Variants in MGAT4A observed in about 807,000 individuals in gnomAD.
The protein encoded by MGAT4A is N-acetylglucosaminyltransferase IVa.
Under a neutral mutation model 74.1 loss-of-function variants are expected in MGAT4A, and 33 were observed. That is an observed-to-expected ratio of 0.45 (90% CI 0.34 to 0.60). MGAT4A has a LOEUF of 0.60. MGAT4A is among the 20% of genes least tolerant of loss of function. The pLI, the probability that MGAT4A is intolerant of heterozygous loss-of-function variation, is 0.02. For missense variants in MGAT4A, 479 were observed against 628.3 expected (o/e 0.76, Z 2.54); for synonymous variants, 198 against 210.4 (o/e 0.94, Z 0.51).
intron 2 of MGAT4A, among the ~76,000 whole-genome samples, chr2:98,700,062 C>G (rs1287629845): frequency 6.6e-6 from 1 of 151,940 alleles, no homozygotes; most frequent in Non-Finnish European, 1.5e-5. Flanking sequence ...CCTCTCATAC[C>G]CAAACCTCAT....
intron 14 of MGAT4A, among the ~76,000 whole-genome samples, chr2:98,629,844 G>GA (rs1178182409): frequency 1.3e-5 from 2 of 152,072 alleles, no homozygotes; most frequent in Non-Finnish European, 1.5e-5. Context: ...AGGAGTTCGA[G>GA]ACCAGCCTAG....
intron 1 of MGAT4A, among the ~76,000 whole-genome samples, chr2:98,729,246 T>C (rs1364321873): frequency 2.0e-5 from 3 of 152,140 alleles, no homozygotes; most frequent in Non-Finnish European, 4.4e-5. Context: ...AAATAAGCCC[T>C]GAAATTTTGC....
In MGAT4A at chr2:98,621,604, G is replaced by C; in HGVS notation, c.*3962C>G. On this transcript the variant is annotated 3_prime_UTR_variant, in exon 16 of 16. Coordinates refer to ENST00000393487, the MANE Select transcript of MGAT4A (RefSeq NM_012214.3). ...CATGGATCAAACAGGTTCCACCCATGCTCAAAGTGGGAGGATATTATACAA... is the reference window on the plus strand; with the variant it reads ...CATGGATCAAACAGGTTCCACCCATCCTCAAAGTGGGAGGATATTATACAA... 6.6e-7 allele frequency: 1 copy of C among 1,515,840 alleles called. No homozygotes were observed. The highest frequency in any genetic ancestry group is 8.9e-7 in the Non-Finnish European group (1 of 1,128,280). 93.9% of individuals were successfully genotyped at this position (1,515,840 alleles called of 1,614,324 possible). A position where few individuals can be genotyped will look rare whatever the true frequency, so the allele number is the denominator to read the frequency against.
intron 2 of MGAT4A, among the ~76,000 whole-genome samples, chr2:98,702,963 T>C (rs1019581853): frequency 3.3e-5 from 5 of 152,136 alleles, no homozygotes; most frequent in African/African-American, 4.8e-5. Context: ...AAATATATGG[T>C]GGTCAACAAA....
Position 98,635,279 on chromosome 2 carries a change from A to G in MGAT4A, c.1411T>C (p.Leu471=), listed in dbSNP as rs750311075. 1.3e-5 allele frequency: 21 copies of G among 1,606,650 alleles called. No homozygotes were observed. The South Asian group carries it at 2.3e-4, about 18-fold the overall frequency. The change falls in exon 14 of 16, where the codon TTG becomes CTG. Residue 471 remains leucine, a synonymous_variant. Coordinates refer to ENST00000393487, the MANE Select transcript of MGAT4A (RefSeq NM_012214.3). Reference sequence around the variant, plus strand: ...TCTTTGGTTTCTTTGCTTATTTCCAAACCTTCACTCTAAAATAAAACAAAA... The same window carrying G: ...TCTTTGGTTTCTTTGCTTATTTCCAGACCTTCACTCTAAAATAAAACAAAA... ...VEVLPFKSEG[L]EISKETKDKR...
In MGAT4A at chr2:98,726,360, T is replaced by C. The variant is rs779351480; in HGVS notation, c.-28A>G. 3 of 1,586,102 alleles carry C rather than the reference T, an allele frequency of 1.9e-6. No homozygotes were observed. Among genetic ancestry groups the C allele is most frequent in the African/African-American group, 2.7e-5 (2 of 74,330 alleles). On this transcript the variant is annotated 5_prime_UTR_variant, in exon 2 of 16. Transcript: ENST00000393487. The stretch of plus-strand genomic sequence containing the variant: ...CATTTCACCATCACACTGGTCCATA[T>C]GTTTATGATGACAACAACCAGGACT...
chr2:98,647,765 T>C (rs1241889180), intron 8 of MGAT4A, among the ~76,000 whole-genome samples: 1 of 152,246 alleles, frequency 6.6e-6, no homozygotes, highest in East Asian at 1.9e-4. Context: ...TATGATGCTG[T>C]CAGTGGAAAC....
At chr2:98,679,904 A>C (rs1320649943) in intron 2 of MGAT4A, among the ~76,000 whole-genome samples, 1 of 152,176 alleles carries the variant, frequency 6.6e-6, no homozygotes, top group African/African-American at 2.4e-5. Flanking sequence ...GGAGGTACTG[A>C]ATAGTAGTGG....
intron 2 of MGAT4A, among the ~76,000 whole-genome samples, chr2:98,709,999 T>G (rs1273625456): frequency 2.0e-5 from 3 of 152,012 alleles, no homozygotes; most frequent in African/African-American, 7.3e-5. Flanking sequence ...GAAATCTCAC[T>G]GAAAAGGAGA....
chr2:98,625,619 G>C (rs1382889404), intron 15 of MGAT4A, 27 bp from the exon 16 acceptor site: 27 of 1,588,398 alleles, frequency 1.7e-5, no homozygotes, highest in Non-Finnish European at 2.3e-5. Context: ...TAAAAGGTAT[G>C]ATAAAGCTGT....
chr2:98,628,837 G>GCATCA (rs1019911916), intron 14 of MGAT4A, among the ~76,000 whole-genome samples: 1 of 152,030 alleles, frequency 6.6e-6, no homozygotes, highest in African/African-American at 2.4e-5. Flanking sequence ...AATTATAAAT[G>GCATCA]CATCATTGTG....
intron 2 of MGAT4A, among the ~76,000 whole-genome samples, chr2:98,720,382 G>A (rs544204365): frequency 4.8e-4 from 73 of 152,300 alleles, no homozygotes; most frequent in African/African-American, 1.7e-3. Context: ...TTTGTTTCTG[G>A]TCTGAGCTAG....
At chr2:98,684,777 TATC>T (rs1364367038) in intron 2 of MGAT4A, among the ~76,000 whole-genome samples, 1 of 152,220 alleles carries the variant, frequency 6.6e-6, no homozygotes, top group African/African-American at 2.4e-5. Context: ...AGTAACTTCT[TATC>T]AGCAAGATGT....
intron 2 of MGAT4A, among the ~76,000 whole-genome samples, chr2:98,692,059 AT>A (rs1272946060): frequency 9.2e-5 from 14 of 152,294 alleles, no homozygotes; most frequent in African/African-American, 3.4e-4. Flanking sequence ...GTCAGTTGAA[AT>A]TTTTTTAAGT....
intron 4 of MGAT4A, chr2:98,663,608 G>A (rs916457544): frequency 2.0e-5 from 10 of 510,606 alleles, no homozygotes; most frequent in South Asian, 5.0e-5. Context: ...CAACTTAACC[G>A]TAAAGAAACA....
At chr2:98,666,862 T>C (rs900225165) in intron 4 of MGAT4A, among the ~76,000 whole-genome samples, 8 of 152,120 alleles carry the variant, frequency 5.3e-5, no homozygotes, top group African/African-American at 1.9e-4. Context: ...ATCCCTACCA[T>C]ACTCTCGAGG....
chr2:98,697,450 T>C (rs899646503), intron 2 of MGAT4A, among the ~76,000 whole-genome samples: 7 of 152,216 alleles, frequency 4.6e-5, no homozygotes, highest in African/African-American at 1.2e-4. Flanking sequence ...TTTGTGGTGA[T>C]AGAATTGTTC....
chr2:98,620,186 AAAT>A lies in MGAT4A; in HGVS notation c.*5377_*5379del, dbSNP rs1365192971. The A allele has an allele frequency of 1.3e-5, 2 of 152,234 alleles. No homozygotes were observed. The highest frequency in any genetic ancestry group is 2.4e-5 in the African/African-American group (1 of 41,456). The allele number at this position is 152,234 out of a possible 1,614,324, so 9.4% of individuals were successfully genotyped here. A position where few individuals can be genotyped will look rare whatever the true frequency, so the allele number is the denominator to read the frequency against. ...TCCTCAGTTTGGTTGGGTCTTTAAAAAATACCTTTTTAGCATTGTATGATCACA... is the reference window on the plus strand; with the variant it reads ...TCCTCAGTTTGGTTGGGTCTTTAAAAACCTTTTTAGCATTGTATGATCACA... On this transcript the variant is annotated 3_prime_UTR_variant, in exon 16 of 16. Coordinates refer to ENST00000393487, the MANE Select transcript of MGAT4A (RefSeq NM_012214.3).
intron 12 of MGAT4A, among the ~76,000 whole-genome samples, chr2:98,637,028 G>A (rs1042857687): frequency 1.3e-5 from 2 of 152,096 alleles, no homozygotes; most frequent in Non-Finnish European, 2.9e-5. Context: ...ACCAGTTCTA[G>A]GCTGGGCGTG....
Sources: gnomAD v4.1 joint callset for allele counts (sites outside exome capture counted in the v4.1 genomes callset) on GRCh38, gnomAD v4.1.1 for gene constraint, MANE v1.5 for transcripts, NCBI Gene and HGNC (gene_info 2026-07-23, HGNC 2026-07-21) for gene names.